The following STPG2 variants were observed in gnomAD, a reference collection of about 807,000 sequenced individuals.
The protein encoded by STPG2 is sperm-tail PG-rich repeat-containing protein 2.
A neutral mutation model predicts 54.2 loss-of-function variants in STPG2; 56 were observed. That is an observed-to-expected ratio of 1.03 (90% CI 0.83 to 1.29). The LOEUF (loss-of-function observed/expected upper bound fraction) is 1.29, where lower values mean the gene tolerates loss of function less well. STPG2 is among the 50% of genes most tolerant of loss of function. The pLI, the probability that STPG2 is intolerant of heterozygous loss-of-function variation, is 0.00. For synonymous variants in STPG2, 200 were observed against 181.8 expected, an observed-to-expected ratio of 1.10 and a Z score of -0.81; for missense variants, 596 against 544.9, an observed-to-expected ratio of 1.09 and a Z score of -0.93.
intron 10 of STPG2, among the ~76,000 whole-genome samples, chr4:97,671,885 C>T (rs940824252): frequency 6.6e-6 from 1 of 152,070 alleles, no homozygotes; most frequent in Admixed American, 6.5e-5. Context: ...TGCTATATTC[C>T]TAAAAACTAA....
chr4:97,570,689 A>G (rs1732577126), intron 10 of STPG2, among the ~76,000 whole-genome samples: 1 of 152,104 alleles, frequency 6.6e-6, no homozygotes, highest in Admixed American at 6.6e-5. Context: ...AGGTTTACTC[A>G]CTAACCTTTA....
chr4:97,734,353 C>A (rs1303786167), intron 9 of STPG2, among the ~76,000 whole-genome samples: 1 of 152,122 alleles, frequency 6.6e-6, no homozygotes, highest in Admixed American at 6.5e-5. Context: ...GTTACACACA[C>A]TATTTTGTCA....
At chr4:97,595,081 T>C (rs1290831525) in intron 10 of STPG2, among the ~76,000 whole-genome samples, 1 of 152,176 alleles carries the variant, frequency 6.6e-6, no homozygotes, top group African/African-American at 2.4e-5. Flanking sequence ...ACCATTTGAC[T>C]CAGCAATCTC....
intron 4 of STPG2, among the ~76,000 whole-genome samples, chr4:97,546,613 TG>T (rs1731839047): frequency 6.6e-6 from 1 of 152,176 alleles, no homozygotes; most frequent in Non-Finnish European, 1.5e-5. Context: ...AAAACCTTGC[TG>T]TATTCAACCT....
chr4:97,464,752 T>A (rs925934837), intron 4 of STPG2, among the ~76,000 whole-genome samples: 1 of 152,192 alleles, frequency 6.6e-6, no homozygotes, highest in African/African-American at 2.4e-5. Context: ...TAGGGATAAA[T>A]AGTGGGTGAA....
intron 5 of STPG2, among the ~76,000 whole-genome samples, chr4:97,984,704 G>A (rs1442646979): frequency 6.6e-6 from 1 of 151,794 alleles, no homozygotes; most frequent in Non-Finnish European, 1.5e-5. Flanking sequence ...AGATAAATAC[G>A]TATTTTTTGA....
At chr4:97,988,122 A>G (rs1292443517) in intron 5 of STPG2, among the ~76,000 whole-genome samples, 1 of 151,866 alleles carries the variant, frequency 6.6e-6, no homozygotes, top group African/African-American at 2.4e-5. Flanking sequence ...ACTTTGCTAC[A>G]TATCTTCCTC....
intron 4 of STPG2, among the ~76,000 whole-genome samples, chr4:97,553,311 A>G (rs1015807815): frequency 1.9e-4 from 29 of 152,194 alleles, no homozygotes; most frequent in African/African-American, 6.8e-4. Context: ...TTGTTACATA[A>G]TAATATGTTG....
At chr4:97,709,717 G>A (rs961205114) in intron 10 of STPG2, among the ~76,000 whole-genome samples, 2 of 151,544 alleles carry the variant, frequency 1.3e-5, no homozygotes, top group South Asian at 2.1e-4. Flanking sequence ...TATTTGACTC[G>A]ATCATTGTAT....
chr4:97,717,817 C>T (rs1724338761), intron 9 of STPG2, among the ~76,000 whole-genome samples: 1 of 152,040 alleles, frequency 6.6e-6, no homozygotes. Context: ...GTAGGCAGTA[C>T]ATAAATATGT....
intron 4 of STPG2, among the ~76,000 whole-genome samples, chr4:97,553,844 C>T (rs974628874): frequency 9.9e-5 from 15 of 152,086 alleles, no homozygotes; most frequent in Non-Finnish European, 1.6e-4. Context: ...ATTTGCAAAC[C>T]GAACCTCATG....
chr4:97,693,657 C>G (rs1723455975), intron 10 of STPG2, among the ~76,000 whole-genome samples: 2 of 152,202 alleles, frequency 1.3e-5, no homozygotes, highest in Middle Eastern at 3.4e-3. Flanking sequence ...TACCATACAT[C>G]AAATGAACTT....
chr4:97,787,278 C>T (rs1036844879), intron 9 of STPG2, among the ~76,000 whole-genome samples: 3 of 152,038 alleles, frequency 2.0e-5, no homozygotes, highest in Admixed American at 6.6e-5. Context: ...CTGCCATATT[C>T]CCAATTTATC....
Position 97,773,006 on chromosome 4 carries a change from T to C in STPG2, c.1205-60192A>G, listed in dbSNP as rs192721891. ...GTAGGCAACAATTTTAAATTTTAAA[T>C]TGTTGCTTACACAACAATATTCAAA... On this transcript the variant is annotated intron_variant, in intron 9 of 10. Transcript: ENST00000295268. Among the ~76,000 whole-genome samples the C allele has an allele frequency of 5.3e-5, 8 of 152,314 alleles. No homozygotes were observed. The East Asian group carries it at 5.8e-4, about 11-fold the overall frequency.
chr4:97,987,407 A>C (rs1734862545), intron 5 of STPG2, among the ~76,000 whole-genome samples: 1 of 152,194 alleles, frequency 6.6e-6, no homozygotes, highest in African/African-American at 2.4e-5. Context: ...TGTTTTTTCC[A>C]TCAAATAGGC....
At chr4:97,736,641 G>T (rs1439972962) in intron 9 of STPG2, among the ~76,000 whole-genome samples, 1 of 152,162 alleles carries the variant, frequency 6.6e-6, no homozygotes. Flanking sequence ...CTGCAAGGTG[G>T]CAGCCAGGCT....
chr4:98,060,164 T>C (rs1020816241), intron 5 of STPG2, among the ~76,000 whole-genome samples: 7 of 152,090 alleles, frequency 4.6e-5, no homozygotes, highest in Admixed American at 1.3e-4. Flanking sequence ...TCTATATCTA[T>C]AAAACCCCAG....
intron 5 of STPG2, among the ~76,000 whole-genome samples, chr4:98,089,521 A>G (rs1560674180): frequency 6.6e-6 from 1 of 151,750 alleles, no homozygotes; most frequent in Non-Finnish European, 1.5e-5. Context: ...ATGCATGTGC[A>G]TGTGTTTTTT....
intron 10 of STPG2, among the ~76,000 whole-genome samples, chr4:97,628,114 A>C (rs1300959965): frequency 1.3e-5 from 2 of 152,196 alleles, no homozygotes; most frequent in Non-Finnish European, 2.9e-5. Flanking sequence ...CTCATGTCCC[A>C]GTCAAGTTGA....
Sources: gnomAD v4.1 joint callset for allele counts (sites outside exome capture counted in the v4.1 genomes callset) on GRCh38, gnomAD v4.1.1 for gene constraint, MANE v1.5 for transcripts, NCBI Gene and HGNC (gene_info 2026-07-23, HGNC 2026-07-21) for gene names.